TOM1L1: variants seen among roughly 807,000 people sequenced by gnomAD.
TOM1L1 encodes the protein TOM1-like protein 1.
In TOM1L1, 64 loss-of-function variants were observed where a neutral mutation model predicts 63.4. The ratio of observed to expected loss-of-function variants is 1.01; its 90% CI spans 0.83 to 1.24. The LOEUF (loss-of-function observed/expected upper bound fraction) is 1.24, where lower values mean the gene tolerates loss of function less well. Ranked by LOEUF, TOM1L1 falls within the 50% of genes most tolerant of loss-of-function variation. The probability of loss-of-function intolerance (pLI) is 0.00; values close to 1 mark genes in which losing one functional copy is unlikely to be tolerated. For synonymous variants in TOM1L1, 166 were observed against 194.4 expected, an observed-to-expected ratio of 0.85 and a Z score of 1.22; for missense variants, 536 against 567.0, an observed-to-expected ratio of 0.95 and a Z score of 0.55.
intron 3 of TOM1L1, among the ~76,000 whole-genome samples, chr17:54,908,393 A>G (rs1308424200): frequency 6.6e-6 from 1 of 152,214 alleles, no homozygotes; most frequent in African/African-American, 2.4e-5. Flanking sequence ...AACTGACTTT[A>G]ATATTCACGT....
intron 3 of TOM1L1, among the ~76,000 whole-genome samples, chr17:54,906,376 G>C (rs946391093): frequency 2.0e-5 from 3 of 151,996 alleles, no homozygotes; most frequent in African/African-American, 7.3e-5. Flanking sequence ...GTCTGAGACA[G>C]GAGAATTGCC....
intron 5 of TOM1L1, 87 bp downstream of exon 5, chr17:54,913,960 C>A: frequency 1.4e-6 from 2 of 1,398,950 alleles, no homozygotes; most frequent in South Asian, 1.4e-5. Flanking sequence ...CTAAATCCAC[C>A]CAGCTTAAGC....
intron 1 of TOM1L1, among the ~76,000 whole-genome samples, chr17:54,902,333 AC>A (rs1408479741): frequency 6.6e-6 from 1 of 152,052 alleles, no homozygotes; most frequent in Non-Finnish European, 1.5e-5. Flanking sequence ...GGGGAGTGAC[AC>A]CCAGGCTGGA....
chr17:54,905,561 CT>C lies in TOM1L1; in HGVS notation c.218del (p.Leu73CysfsTer18). 1 of 1,573,326 alleles carries C rather than the reference CT, an allele frequency of 6.4e-7. No homozygotes were observed. The highest frequency in any genetic ancestry group is 8.7e-7 in the Non-Finnish European group (1 of 1,144,552). On this transcript the variant is annotated frameshift_variant, in exon 3 of 16. Coordinates refer to ENST00000575882, the MANE Select transcript of TOM1L1 (RefSeq NM_005486.3). LOFTEE classifies it high-confidence loss of function. Reference sequence around the variant, plus strand: ...ACAATCATAAAGAAATCCAACTTACCTTGTCAGTAAGTACTTTAATTTTATA... The same window carrying C: ...ACAATCATAAAGAAATCCAACTTACCTGTCAGTAAGTACTTTAATTTTATA... ...NYNHKEIQLT[L>X]SLIDMCVQNC...
chr17:54,916,191 T>C, intron 7 of TOM1L1: 1 of 380,336 alleles, frequency 2.6e-6, no homozygotes, highest in Non-Finnish European at 4.7e-6. Context: ...AACTGTGATA[T>C]AGGAAGGGAT....
At chr17:54,913,949 C>G in intron 5 of TOM1L1, 76 bp downstream of exon 5, 1 of 1,459,004 alleles carries the variant, frequency 6.9e-7, no homozygotes, top group South Asian at 1.3e-5. Flanking sequence ...AGGAGACAAC[C>G]CTAAATCCAC....
chr17:54,925,704 G>C (rs1338015940), intron 7 of TOM1L1, among the ~76,000 whole-genome samples: 1 of 152,198 alleles, frequency 6.6e-6, no homozygotes, highest in Non-Finnish European at 1.5e-5. Flanking sequence ...AGGAGTTCGA[G>C]ACCAGCCTGG....
chr17:54,953,393 GCCC>G (rs2049333591), intron 14 of TOM1L1: 1 of 152,268 alleles, frequency 6.6e-6, no homozygotes, highest in African/African-American at 2.4e-5. Flanking sequence ...CCAACTGGTT[GCCC>G]CCCTTCTTCT....
intron 11 of TOM1L1, 138 bp from the exon 12 acceptor site, chr17:54,947,123 A>G (rs760991105): frequency 9.1e-6 from 7 of 772,290 alleles, no homozygotes; most frequent in Non-Finnish European, 1.5e-5. Flanking sequence ...TGTTTTATAA[A>G]CAGTTATTAC....
At position 54,913,747 on chromosome 17, in the gene TOM1L1, G is replaced by A. The variant is rs1426695385; in HGVS notation, c.373-1G>A. 2 of 1,600,394 alleles carry A rather than the reference G, an allele frequency of 1.2e-6. No individual in the cohort carries two copies. ...GAACTTTTTTCATCTCTTGAATTCAGACTTGGTCACAGGGCTTCCCAGGAG... is the reference window on the plus strand; with the variant it reads ...GAACTTTTTTCATCTCTTGAATTCAAACTTGGTCACAGGGCTTCCCAGGAG... On this transcript the variant is annotated splice_acceptor_variant, in intron 4 of 15. Transcript: ENST00000575882. LOFTEE classifies it high-confidence loss of function.
At chr17:54,902,691 C>T (rs542312231) in intron 1 of TOM1L1, among the ~76,000 whole-genome samples, 1 of 152,274 alleles carries the variant, frequency 6.6e-6, no homozygotes, top group African/African-American at 2.4e-5. Context: ...TTTTTTTCTC[C>T]ATTTCCCCCA....
chr17:54,914,002 A>G lies in TOM1L1; in HGVS notation c.498+129A>G, dbSNP rs960485625. 8.4e-6 allele frequency: 9 copies of G among 1,075,302 alleles called. No individual in the cohort carries two copies. In the East Asian group the frequency reaches 1.9e-4, roughly 23 times the overall value. 66.6% of individuals were successfully genotyped at this position (1,075,302 alleles called of 1,614,324 possible). On this transcript the variant is annotated intron_variant, in intron 5 of 15. Transcript: ENST00000575882. ...ATGAAGTTATTAGAAGGATATTGCA[A>G]TATCTCATAGAATAACCGAGACTTG...
At chr17:54,905,361 A>G (rs754250325) in intron 2 of TOM1L1, 128 bp from the exon 3 acceptor site, 168 of 644,752 alleles carry the variant, frequency 2.6e-4, no homozygotes, top group Non-Finnish European at 4.0e-4. Flanking sequence ...AGGGTCCCAC[A>G]GTAGAACCAA....
At position 54,960,604 on chromosome 17, in the gene TOM1L1, G is replaced by A. The variant is rs1164588105; in HGVS notation, c.1409G>A (p.Gly470Glu). 8 of 1,612,942 alleles carry A rather than the reference G, an allele frequency of 5.0e-6. No individual in the cohort carries two copies. The highest frequency in any genetic ancestry group is 6.8e-6 in the Non-Finnish European group (8 of 1,179,428). Reference sequence around the variant, plus strand: ...GAAATTGATGCTCACCAGCACAAAGGAGCTCAAAATGATGGTGACTGAGGT... The same window carrying A: ...GAAATTGATGCTCACCAGCACAAAGAAGCTCAAAATGATGGTGACTGAGGT... ...YEEIDAHQHK[G>E]AQNDGD The change falls in exon 15 of 16, where the codon GGA becomes GAA. Residue 470 changes from glycine to glutamate, a missense_variant. By Grantham distance (98) the Gly-to-Glu change is moderately conservative (BLOSUM62 -2). Coordinates refer to ENST00000575882, the MANE Select transcript of TOM1L1 (RefSeq NM_005486.3).
In TOM1L1 at chr17:54,960,734, G is replaced by A. The variant is rs2077100157; in HGVS notation, c.*1+107G>A. 1.1e-5 allele frequency: 9 copies of A among 809,242 alleles called. No individual in the cohort carries two copies. The East Asian group carries it at 1.9e-4, about 17-fold the overall frequency. 50.1% of individuals were successfully genotyped at this position (809,242 alleles called of 1,614,324 possible). A position where few individuals can be genotyped will look rare whatever the true frequency, so the allele number is the denominator to read the frequency against. ...AATTTTCTAAGGGCCATCTGAGTCT[G>A]ACACTTTGAAATATGAGTTCCCCTG... On this transcript the variant is annotated intron_variant, in intron 15 of 15. Coordinates refer to ENST00000575882, the MANE Select transcript of TOM1L1 (RefSeq NM_005486.3).
chr17:54,915,841 T>G lies in TOM1L1; in HGVS notation c.699T>G (p.His233Gln). The change falls in exon 7 of 16, where the codon CAT (histidine) becomes CAG (glutamine). Residue 233 changes from histidine (H) to glutamine (Q), a missense_variant. His to Gln is a conservative substitution (Grantham distance 24, BLOSUM62 0). Transcript: ENST00000575882. ...AGAATACTCCTGGGTCTGAAAACCATGAAGACATAGAGCTTCTGCAGGTGT... is the reference window on the plus strand; with the variant it reads ...AGAATACTCCTGGGTCTGAAAACCAGGAAGACATAGAGCTTCTGCAGGTGT... ...LMENTPGSEN[H>Q]EDIELLQKLY... 1.2e-6 allele frequency: 2 copies of G among 1,613,744 alleles called. No individual in the cohort carries two copies. Among genetic ancestry groups the G allele is most frequent in the Non-Finnish European group, 1.7e-6 (2 of 1,179,728 alleles).
chr17:54,909,130 G>A (rs970733505), intron 3 of TOM1L1, among the ~76,000 whole-genome samples: 1 of 152,110 alleles, frequency 6.6e-6, no homozygotes, highest in South Asian at 2.1e-4. Flanking sequence ...ATGGTGGCAT[G>A]TGACTGTAAT....
intron 11 of TOM1L1, among the ~76,000 whole-genome samples, chr17:54,945,230 C>T (rs1233883197): frequency 6.6e-6 from 1 of 152,062 alleles, no homozygotes; most frequent in South Asian, 2.1e-4. Context: ...TATGGCCCAC[C>T]CAGATAATAC....
intron 14 of TOM1L1, among the ~76,000 whole-genome samples, chr17:54,956,452 T>C (rs1567847779): frequency 6.6e-6 from 1 of 152,040 alleles, no homozygotes; most frequent in Non-Finnish European, 1.5e-5. Context: ...ACTACAAGCA[T>C]GTGCCACCAC....
Sources: gnomAD v4.1 joint callset for allele counts (sites outside exome capture counted in the v4.1 genomes callset) on GRCh38, gnomAD v4.1.1 for gene constraint, MANE v1.5 for transcripts, NCBI Gene and HGNC (gene_info 2026-07-23, HGNC 2026-07-21) for gene names.